RBFOX1: variants seen among roughly 807,000 people sequenced by gnomAD.
RBFOX1 encodes RNA binding fox-1 homolog 1.
In RBFOX1, 8 loss-of-function variants were observed where a neutral mutation model predicts 57.7. The ratio of observed to expected loss-of-function variants is 0.14; its 90% confidence interval spans 0.08 to 0.25. The LOEUF (loss-of-function observed/expected upper bound fraction) is 0.25, where lower values mean the gene tolerates loss of function less well. RBFOX1 is among the 10% of genes least tolerant of loss of function. The pLI is 1.00. For missense variants in RBFOX1, 611 were observed against 548.5 expected (o/e 1.11, Z -1.14); for synonymous variants, 326 against 222.4 (o/e 1.47, Z -4.15).
At chr16:5,985,167 T>C (rs1261969454) in intron 4 of RBFOX1, among the ~76,000 whole-genome samples, 2 of 151,206 alleles carry the variant, frequency 1.3e-5, no homozygotes, top group East Asian at 3.9e-4. Flanking sequence ...TATATATTTT[T>C]ATTTTTAGTA....
At chr16:5,721,450 C>G (rs1445724086) in intron 3 of RBFOX1, among the ~76,000 whole-genome samples, 1 of 152,126 alleles carries the variant, frequency 6.6e-6, no homozygotes, top group African/African-American at 2.4e-5. Context: ...AAGCCGGATG[C>G]CTTTTTTTCT....
intron 2 of RBFOX1, among the ~76,000 whole-genome samples, chr16:6,541,706 A>C (rs1420061): frequency 0.46 from 69,363 of 152,060 alleles, 16,271 homozygotes; most frequent in Non-Finnish European, 0.51. Context: ...TGTAGGTCAG[A>C]GATGATGGTA....
chr16:7,485,790 T>C (rs2065210971), intron 4 of RBFOX1, among the ~76,000 whole-genome samples: 1 of 152,268 alleles, frequency 6.6e-6, no homozygotes, highest in Non-Finnish European at 1.5e-5. Flanking sequence ...CTTGACTATC[T>C]TCTGTGGCTC....
At chr16:7,259,146 A>G (rs2094816326) in intron 4 of RBFOX1, among the ~76,000 whole-genome samples, 2 of 152,184 alleles carry the variant, frequency 1.3e-5, no homozygotes, top group Admixed American at 1.3e-4. Context: ...ACCTGGAGAG[A>G]AGCTGTTGAC....
chr16:6,878,521 C>T lies in RBFOX1; in HGVS notation c.-15-173536C>T, dbSNP rs557936101. ...GAGCAAGAAATAAACTTTTGTTATT[C>T]CTGGACCTTTTAGATTTTGGAGTCA... On this transcript the variant is annotated intron_variant, in intron 3 of 15. Coordinates refer to ENST00000550418, the MANE Select transcript of RBFOX1 (RefSeq NM_018723.4). 4.6e-5 allele frequency among the ~76,000 whole-genome samples: 7 copies of T among 152,266 alleles called. No homozygotes were observed. The South Asian group carries it at 6.2e-4, about 14-fold the overall frequency.
intron 1 of RBFOX1, among the ~76,000 whole-genome samples, chr16:6,104,286 G>T (rs139017597): frequency 3.1e-4 from 47 of 152,262 alleles, no homozygotes; most frequent in African/African-American, 1.1e-3. Flanking sequence ...AGTATAAGGA[G>T]AATATCCTTC....
intron 4 of RBFOX1, among the ~76,000 whole-genome samples, chr16:7,346,718 C>A (rs1483602093): frequency 1.3e-5 from 2 of 152,046 alleles, no homozygotes; most frequent in African/African-American, 4.8e-5. Flanking sequence ...TATCTCTGAT[C>A]AATAACTGTT....
chr16:5,601,564 A>G (rs1015299749), downstream of RBFOX1: 1 of 152,170 alleles, frequency 6.6e-6, no homozygotes, highest in African/African-American at 2.4e-5. Flanking sequence ...TGGAGGAGGG[A>G]TCATGCGGCC....
chr16:6,241,227 G>T (rs2097538555), intron 1 of RBFOX1, among the ~76,000 whole-genome samples: 1 of 152,170 alleles, frequency 6.6e-6, no homozygotes, highest in African/African-American at 2.4e-5. Flanking sequence ...CTATTGTAAT[G>T]TGCAATGAAG....
At chr16:5,534,802 A>G (rs57532354) in intron 2 of RBFOX1, among the ~76,000 whole-genome samples, 6,171 of 152,242 alleles carry the variant, frequency 0.041, 443 homozygotes, top group African/African-American at 0.14. Context: ...ATCCTGAGTT[A>G]TATCAGGCAA....
chr16:7,417,575 A>G (rs529795204), intron 4 of RBFOX1, among the ~76,000 whole-genome samples: 236 of 142,428 alleles, frequency 1.7e-3, no homozygotes, highest in Non-Finnish European at 2.5e-3. Context: ...CTTCTCTGCA[A>G]TGTCTCACCC....
intron 4 of RBFOX1, among the ~76,000 whole-genome samples, chr16:5,867,585 T>C (rs917803124): frequency 1.3e-5 from 2 of 152,202 alleles, no homozygotes; most frequent in African/African-American, 4.8e-5. Context: ...TCTTGACAGA[T>C]ACATCATAAT....
At chr16:7,236,730 C>G (rs1049924519) in intron 4 of RBFOX1, among the ~76,000 whole-genome samples, 1 of 152,096 alleles carries the variant, frequency 6.6e-6, no homozygotes, top group Non-Finnish European at 1.5e-5. Flanking sequence ...CAAGCACGCA[C>G]CAGCCTTCAG....
chr16:6,865,081 C>A (rs184913524), intron 3 of RBFOX1, among the ~76,000 whole-genome samples: 1 of 138,112 alleles, frequency 7.2e-6, no homozygotes, highest in Non-Finnish European at 1.5e-5. Flanking sequence ...TGGCTCACTG[C>A]AACCTCCGCC....
chr16:6,525,368 C>T (rs2096564105), intron 2 of RBFOX1, among the ~76,000 whole-genome samples: 1 of 152,104 alleles, frequency 6.6e-6, no homozygotes, highest in Non-Finnish European at 1.5e-5. Flanking sequence ...TACACTTCTC[C>T]TGAGCAAGAG....
At chr16:6,690,492 A>G (rs1459498908) in intron 3 of RBFOX1, among the ~76,000 whole-genome samples, 1 of 152,122 alleles carries the variant, frequency 6.6e-6, no homozygotes, top group Non-Finnish European at 1.5e-5. Flanking sequence ...AATAAAATTA[A>G]CCTATTTGTT....
intron 14 of RBFOX1, among the ~76,000 whole-genome samples, chr16:7,689,306 C>T (rs1258012112): frequency 1.3e-5 from 2 of 152,096 alleles, no homozygotes; most frequent in African/African-American, 4.8e-5. Flanking sequence ...ACCAAGCCTT[C>T]CCAGTTCAAA....
intron 4 of RBFOX1, among the ~76,000 whole-genome samples, chr16:7,283,084 A>T (rs759932656): frequency 1.3e-5 from 2 of 152,124 alleles, no homozygotes; most frequent in African/African-American, 4.8e-5. Context: ...TCTTTTTTGT[A>T]TAACGACTTT....
chr16:6,400,072 TATC>T (rs1472274101), intron 2 of RBFOX1, among the ~76,000 whole-genome samples: 3 of 152,204 alleles, frequency 2.0e-5, no homozygotes, highest in African/African-American at 7.2e-5. Flanking sequence ...AGCCAAATCA[TATC>T]AGGTGATTTG....
Sources: allele counts gnomAD v4.1 joint callset (sites outside exome capture counted in the v4.1 genomes callset), GRCh38; gene constraint gnomAD v4.1.1; transcripts MANE v1.5; gene names NCBI Gene and HGNC (gene_info 2026-07-23, HGNC 2026-07-21).